Variants in ADAMTS2 observed in about 807,000 individuals in gnomAD.
ADAMTS2 encodes ADAM metallopeptidase with thrombospondin type 1 motif 2.
A neutral mutation model predicts 123.0 loss-of-function variants in ADAMTS2; 50 were observed. The ratio of observed to expected loss-of-function variants is 0.41; its 90% confidence interval spans 0.32 to 0.51. ADAMTS2 has a LOEUF of 0.51. Ranked by LOEUF, ADAMTS2 falls within the 20% of genes least tolerant of loss-of-function variation. ADAMTS2 has a pLI of 0.35. For missense variants in ADAMTS2, 1,494 were observed against 1,705.2 expected, an observed-to-expected ratio of 0.88 and a Z score of 2.18; for synonymous variants, 678 against 695.4, an observed-to-expected ratio of 0.98 and a Z score of 0.39.
At chr5:179,289,698 T>A (rs2113541496) in intron 2 of ADAMTS2, among the ~76,000 whole-genome samples, 1 of 152,280 alleles carries the variant, frequency 6.6e-6, no homozygotes, top group Non-Finnish European at 1.5e-5. Context: ...GGAATCCCAG[T>A]AGGTAACACC....
chr5:179,328,158 G>A (rs1392187675), intron 2 of ADAMTS2, among the ~76,000 whole-genome samples: 5 of 152,098 alleles, frequency 3.3e-5, no homozygotes, highest in African/African-American at 4.8e-5. Context: ...TCAGCCTCCC[G>A]AGTAGCTGGG....
chr5:179,157,192 C>A (rs562672819), intron 6 of ADAMTS2, among the ~76,000 whole-genome samples: 37 of 151,840 alleles, frequency 2.4e-4, no homozygotes, highest in Non-Finnish European at 5.3e-4. Flanking sequence ...TCAAGTGATC[C>A]GCCCGCCTTG....
Position 179,153,527 on chromosome 5 carries a change from G to T in ADAMTS2, c.1479C>A (p.Arg493=). The change falls in exon 9 of 22, where the codon CGC becomes CGA. Residue 493 remains arginine, a synonymous_variant. Coordinates refer to ENST00000251582, the MANE Select transcript of ADAMTS2 (RefSeq NM_014244.5). Reference sequence around the variant, plus strand: ...TCATGTAGCCCAGGCCGAAGTCAAAGCGGCATTGCTCGTTCATGGAGTAGT... The same window carrying T: ...TCATGTAGCCCAGGCCGAAGTCAAATCGGCATTGCTCGTTCATGGAGTAGT... ...GLHYSMNEQC[R]FDFGLGYMMC... 6.2e-7 allele frequency: 1 copy of T among 1,610,922 alleles called. No homozygotes were observed.
intron 4 of ADAMTS2, among the ~76,000 whole-genome samples, chr5:179,182,458 C>A (rs1395872543): frequency 4.6e-5 from 7 of 152,242 alleles, no homozygotes; most frequent in East Asian, 1.9e-4. Flanking sequence ...TGATTGCTAC[C>A]TCAAAACAGT....
chr5:179,182,810 G>T (rs1198273989), intron 4 of ADAMTS2, among the ~76,000 whole-genome samples: 1 of 152,158 alleles, frequency 6.6e-6, no homozygotes, highest in African/African-American at 2.4e-5. Flanking sequence ...CGGGCTGTAG[G>T]CGTCTGGGGA....
rs114893452 is a variant in ADAMTS2 at position 179,148,112 on chromosome 5, G to A, written c.1629+4030C>T. On this transcript the variant is annotated intron_variant, in intron 10 of 21. Transcript: ENST00000251582. ...GCCCTGTGGCTGGCATCAAAGACTC[G>A]GTACGACTGGCCTCTACTTACGCCT... Among the ~76,000 whole-genome samples, 382 of 152,116 alleles carry A rather than the reference G, an allele frequency of 2.5e-3. 1 individual carries two copies. Among genetic ancestry groups the A allele is most frequent in the Non-Finnish European group, 3.9e-3 (268 of 67,982 alleles).
At chr5:179,238,157 TC>T (rs1765573136) in intron 3 of ADAMTS2, among the ~76,000 whole-genome samples, 1 of 152,196 alleles carries the variant, frequency 6.6e-6, no homozygotes, top group Non-Finnish European at 1.5e-5. Flanking sequence ...TCACAGATAT[TC>T]CTCCTGAGCT....
chr5:179,329,324 C>A (rs567841537), intron 2 of ADAMTS2, among the ~76,000 whole-genome samples: 69 of 121,726 alleles, frequency 5.7e-4, no homozygotes, highest in Non-Finnish European at 7.7e-4. Flanking sequence ...GAGACTCCGT[C>A]TCAAAAAAAA....
chr5:179,319,962 A>C (rs1287995384), intron 2 of ADAMTS2, among the ~76,000 whole-genome samples: 1 of 152,094 alleles, frequency 6.6e-6, no homozygotes, highest in Non-Finnish European at 1.5e-5. Flanking sequence ...CCTGATCTCA[A>C]GGCTTGCTTC....
chr5:179,299,505 G>A (rs946301980), intron 2 of ADAMTS2, among the ~76,000 whole-genome samples: 8 of 136,592 alleles, frequency 5.9e-5, no homozygotes, highest in South Asian at 5.0e-4. Context: ...CTCCAGCCTG[G>A]GCAACAGATC....
At chr5:179,247,969 C>T (rs1214883698) in intron 3 of ADAMTS2, among the ~76,000 whole-genome samples, 1 of 152,144 alleles carries the variant, frequency 6.6e-6, no homozygotes, top group East Asian at 1.9e-4. Flanking sequence ...ACCCCAAAAT[C>T]TTCGTTTGTA....
intron 3 of ADAMTS2, among the ~76,000 whole-genome samples, chr5:179,248,260 C>T (rs1197664509): frequency 2.6e-5 from 4 of 151,870 alleles, no homozygotes; most frequent in Admixed American, 1.3e-4. Flanking sequence ...AAACATGAAT[C>T]AAAACAGTAC....
intron 2 of ADAMTS2, among the ~76,000 whole-genome samples, chr5:179,296,936 C>T (rs145540334): frequency 1.3e-5 from 2 of 152,228 alleles, no homozygotes; most frequent in East Asian, 1.9e-4. Flanking sequence ...CTGAAACATG[C>T]TAAAAGAGAG....
chr5:179,268,127 T>A (rs1766423421), intron 3 of ADAMTS2, among the ~76,000 whole-genome samples: 2 of 146,756 alleles, frequency 1.4e-5, no homozygotes, highest in South Asian at 4.7e-4. Flanking sequence ...CTTGATAGGA[T>A]GTTCAGCTGC....
intron 3 of ADAMTS2, among the ~76,000 whole-genome samples, chr5:179,261,390 G>A (rs772157661): frequency 2.0e-5 from 3 of 152,208 alleles, no homozygotes; most frequent in Admixed American, 6.5e-5. Flanking sequence ...AGCCAGTCTG[G>A]CTCTGCCCCG....
chr5:179,325,086 C>T (rs1300898486), intron 2 of ADAMTS2, among the ~76,000 whole-genome samples: 2 of 152,228 alleles, frequency 1.3e-5, no homozygotes, highest in Non-Finnish European at 1.5e-5. Context: ...AAATGGTCCC[C>T]TCCTGCACCT....
chr5:179,216,645 C>CG (rs1182998792), intron 3 of ADAMTS2, among the ~76,000 whole-genome samples: 2 of 152,246 alleles, frequency 1.3e-5, no homozygotes, highest in Non-Finnish European at 2.9e-5. Context: ...AGTCAGACCA[C>CG]GACCTGGAGA....
At chr5:179,123,061 C>T (rs1762791894) in intron 19 of ADAMTS2, among the ~76,000 whole-genome samples, 2 of 152,372 alleles carry the variant, frequency 1.3e-5, no homozygotes, top group Admixed American at 1.3e-4. Flanking sequence ...CAGTGACAGC[C>T]TCACTTCTCT....
At chr5:179,315,038 A>ACCC (rs372515045) in intron 2 of ADAMTS2, among the ~76,000 whole-genome samples, 1 of 95,964 alleles carries the variant, frequency 1.0e-5, no homozygotes, top group African/African-American at 4.1e-5. Flanking sequence ...TCCTACACCC[A>ACCC]CCCCCCCCAC....
Sources: allele counts gnomAD v4.1 joint callset (sites outside exome capture counted in the v4.1 genomes callset), GRCh38; gene constraint gnomAD v4.1.1; transcripts MANE v1.5; gene names NCBI Gene and HGNC (gene_info 2026-07-23, HGNC 2026-07-21).